Variants in RNF208 observed in about 807,000 individuals in gnomAD.
RNF208 encodes the protein ring finger protein 208.
A neutral mutation model predicts 15.2 loss-of-function variants in RNF208; 7 were observed. The observed-to-expected ratio is 0.46, with a 90% CI of 0.26 to 0.86. RNF208 has a LOEUF of 0.86. Ranked by LOEUF, RNF208 falls within the 40% of genes least tolerant of loss-of-function variation. The pLI is 0.16. For synonymous variants in RNF208, 211 were observed against 163.2 expected, an observed-to-expected ratio of 1.29 and a Z score of -2.23; for missense variants, 342 against 364.1, an observed-to-expected ratio of 0.94 and a Z score of 0.49.
At chr9:137,222,679 G>A (rs143427357), upstream of RNF208, among the ~76,000 whole-genome samples, 203 of 152,354 alleles carry the variant, frequency 1.3e-3, no homozygotes, top group African/African-American at 4.7e-3. Flanking sequence ...AGCTCAGATA[G>A]ATCGCTGTGA....
At position 137,220,401 on chromosome 9, in the gene RNF208, G is replaced by A. The variant is rs965460436; in HGVS notation, c.*26C>T. The stretch of plus-strand genomic sequence containing the variant: ...GAAGAAGCAGCGAGCGAGGCTCAGC[G>A]GGCAGTGGCGGGCAGGCAGGCGCTA... On this transcript the variant is annotated 3_prime_UTR_variant, in exon 2 of 2. Coordinates refer to ENST00000391553, the MANE Select transcript of RNF208 (RefSeq NM_031297.7). 25 of 1,526,256 alleles carry A rather than the reference G, an allele frequency of 1.6e-5. No homozygotes were observed. Among genetic ancestry groups the A allele is most frequent in the Middle Eastern group, 1.8e-4 (1 of 5,408 alleles). The allele number at this position is 1,526,256 out of a possible 1,614,324, so 94.5% of individuals were successfully genotyped here. A position where few individuals can be genotyped will look rare whatever the true frequency, so the allele number is the denominator to read the frequency against.
At position 137,220,884 on chromosome 9, in the gene RNF208, A is replaced by G. The variant is rs1225293579; in HGVS notation, c.329T>C (p.Val110Ala). The change falls in exon 2 of 2, where the codon GTG becomes GCG. Residue 110 changes from valine (V) to alanine (A), a missense_variant. Physicochemically the swap from Val to Ala is moderately conservative, Grantham distance 64. Around this residue, in one of 3 missense-constraint regions of RNF208, gnomAD observed 207 missense variants for 193.7 expected, o/e 1.07. Coordinates refer to ENST00000391553, the MANE Select transcript of RNF208 (RefSeq NM_031297.7). ...KGSSELGFPR[V>A]APEDEVIVNQ... ...CACAATGACCTCATCCTCTGGGGCC[A>G]CGCGGGGAAAGCCCAGCTCCGAGCT... is the stretch of plus-strand genomic sequence containing the variant. 1 of 1,581,200 alleles carries G rather than the reference A, an allele frequency of 6.3e-7. No homozygotes were observed. Among genetic ancestry groups the G allele is most frequent in the African/African-American group, 1.4e-5 (1 of 74,014 alleles).
chr9:137,223,298 C>T (rs2131389328), upstream of RNF208, among the ~76,000 whole-genome samples: 1 of 152,320 alleles, frequency 6.6e-6, no homozygotes, highest in African/African-American at 2.4e-5. Flanking sequence ...CTTACGGGGC[C>T]CTGGCAAGAT....
At chr9:137,222,804 G>A (rs747539059), upstream of RNF208, among the ~76,000 whole-genome samples, 63 of 152,388 alleles carry the variant, frequency 4.1e-4, no homozygotes, top group Non-Finnish European at 7.9e-4. Flanking sequence ...CGGGGTGGAG[G>A]CGGCCCTGAG....
At position 137,220,642 on chromosome 9, in the gene RNF208, G is replaced by A. The variant is rs1273522723; in HGVS notation, c.571C>T (p.Arg191Cys). The A allele has an allele frequency of 6.2e-6, 10 of 1,612,596 alleles. No homozygotes were observed. The highest frequency in any genetic ancestry group is 8.5e-6 in the Non-Finnish European group (10 of 1,179,910). ...TAGTCGGTGAAGAGCACAGTCTCACGGCGGCAGGTGGGGCAGGAGATGAAC... is the reference window on the plus strand; with the variant it reads ...TAGTCGGTGAAGAGCACAGTCTCACAGCGGCAGGTGGGGCAGGAGATGAAC... ...YKFISCPTCR[R>C]ETVLFTDYGL... The change falls in exon 2 of 2, where the codon CGT becomes TGT. Residue 191 changes from arginine to cysteine, a missense_variant. Coordinates refer to ENST00000391553, the MANE Select transcript of RNF208 (RefSeq NM_031297.7).
Position 137,221,392 on chromosome 9 carries a change from G to T in RNF208, c.-180C>A. The T allele has an allele frequency of 2.9e-6, 1 of 341,724 alleles. No homozygotes were observed. The highest frequency in any genetic ancestry group is 5.3e-6 in the Non-Finnish European group (1 of 188,052). 21.2% of individuals were successfully genotyped at this position (341,724 alleles called of 1,614,324 possible). A position where few individuals can be genotyped will look rare whatever the true frequency, so the allele number is the denominator to read the frequency against. ...TGCAGGGCCCCCCCCAGTGGCCACA[G>T]TGGCTTCTCTGGTCCAGTCCTGGGA... On this transcript the variant is annotated 5_prime_UTR_variant, in exon 2 of 2. It adds an upstream start codon to the 5' untranslated region. Transcript: ENST00000391553.
At position 137,221,554 on chromosome 9, in the gene RNF208, C is replaced by A. The variant is rs1386906071; in HGVS notation, c.-342G>T. 5.0e-6 allele frequency: 1 copy of A among 201,708 alleles called. No homozygotes were observed. The highest frequency in any genetic ancestry group is 1.0e-4 in the East Asian group (1 of 9,636). The allele number at this position is 201,708 out of a possible 1,614,324, so 12.5% of individuals were successfully genotyped here. ...GGCTGGCGAGGGGGCGCGGGGGGGG[C>A]TCCCCCTGCAGCCGAGGTCAGCAGG... On this transcript the variant is annotated 5_prime_UTR_variant, in exon 2 of 2. Transcript: ENST00000391553.
Position 137,221,038 on chromosome 9 carries a change from T to C in RNF208, c.175A>G (p.Thr59Ala), listed in dbSNP as rs199706212. Residue 59 changes from threonine to alanine, a missense_variant, in exon 2 of 2, where the codon ACT becomes GCT. Coordinates refer to ENST00000391553, the MANE Select transcript of RNF208 (RefSeq NM_031297.7). ...CFPPAPRPTP[T>A]LAPKRAWPSD... The stretch of plus-strand genomic sequence containing the variant: ...GGCCAGGCACGCTTGGGTGCCAGAG[T>C]TGGGGTGGGCCGGGGAGCAGGCGGG... The C allele has an allele frequency of 1.9e-4, 302 of 1,591,922 alleles. 2 individuals carry two copies. The African/African-American group carries it at 3.5e-3, about 19-fold the overall frequency.
rs556117554 is a variant in RNF208 at position 137,221,096 on chromosome 9, T to C, written c.117A>G (p.Glu39=). The change falls in exon 2 of 2, where the codon GAA becomes GAG. Residue 39 remains glutamate, a synonymous_variant. Transcript: ENST00000391553. ...GGGCAGCCGGTAGCTCAGGGAACTT[T>C]TCAGGGTGGACAATCTTCATGGCCT... ...KMEAMKIVHP[E]KFPELPAAPC... 1.9e-6 allele frequency: 3 copies of C among 1,605,772 alleles called. No homozygotes were observed. In the African/African-American group the frequency reaches 4.0e-5, roughly 21 times the overall value.
chr9:137,220,543 C>T lies in RNF208; in HGVS notation c.670G>A (p.Gly224Arg), dbSNP rs758757079. The T allele has an allele frequency of 1.0e-5, 16 of 1,607,582 alleles. 1 individual carries two copies. The highest frequency in any genetic ancestry group is 2.2e-5 in the South Asian group (2 of 90,188). ...LPPEALTAPS[G>R]GQWGAEPEGS... ...TCGGGCTCAGCCCCCCACTGACCCC[C>T]GGATGGGGCCGTCAGCGCCTCAGGC... Residue 224 changes from glycine (G) to arginine (R), a missense_variant, in exon 2 of 2, where the codon GGG becomes AGG. Gly to Arg is a moderately radical substitution (Grantham distance 125, BLOSUM62 -2). Around this residue, in one of 3 missense-constraint regions of RNF208, gnomAD observed 76 missense variants for 118.0 expected, o/e 0.64. Coordinates refer to ENST00000391553, the MANE Select transcript of RNF208 (RefSeq NM_031297.7).
At position 137,220,682 on chromosome 9, in the gene RNF208, G is replaced by A; in HGVS notation, c.531C>T (p.Ser177=). Residue 177 remains serine, a synonymous_variant, in exon 2 of 2, where the codon TCC becomes TCT. Transcript: ENST00000391553. ...CEQCLQILYE[S]CPKYKFISCP... ...AGGAGATGAACTTGTACTTGGGGCA[G>A]GACTCGTAGAGAATCTGCAGGCACT... The A allele has an allele frequency of 6.2e-7, 1 of 1,612,602 alleles. No individual in the cohort carries two copies. The highest frequency in any genetic ancestry group is 8.5e-7 in the Non-Finnish European group (1 of 1,179,928).
At chr9:137,222,864 C>T (rs1452332212), upstream of RNF208, among the ~76,000 whole-genome samples, 2 of 152,232 alleles carry the variant, frequency 1.3e-5, no homozygotes, top group African/African-American at 4.8e-5. Context: ...GCGCGCAGGC[C>T]CGGGCCTCTC....
intron 1 of RNF208, among the ~76,000 whole-genome samples, 118 bp from the exon 2 acceptor site, chr9:137,221,856 C>A (rs1192016538): frequency 6.6e-6 from 1 of 152,064 alleles, no homozygotes; most frequent in Non-Finnish European, 1.5e-5. Context: ...GGATCCCGAC[C>A]TCCGCGGGCC....
rs577259960 is a variant in RNF208 at position 137,221,046 on chromosome 9, G to T, written c.167C>A (p.Pro56His). The change falls in exon 2 of 2, where the codon CCC (proline) becomes CAC (histidine). Residue 56 changes from proline (P) to histidine (H), a missense_variant. By Grantham distance (77) the Pro-to-His change is moderately conservative (BLOSUM62 -2). Around this residue, in one of 3 missense-constraint regions of RNF208, gnomAD observed 207 missense variants for 193.7 expected, o/e 1.07. Transcript: ENST00000391553. ...ACGCTTGGGTGCCAGAGTTGGGGTG[G>T]GCCGGGGAGCAGGCGGGAAGCAGGG... ...AAPCFPPAPR[P>H]TPTLAPKRAW... is the part of the protein sequence containing the mutation. 183 of 1,596,540 alleles carry T rather than the reference G, an allele frequency of 1.1e-4. 1 individual carries two copies. In the Middle Eastern group the frequency reaches 1.3e-3, roughly 12 times the overall value.
Position 137,221,256 on chromosome 9 carries a change from G to GGT in RNF208, c.-45_-44insAC. ...ACTGGATGTTCGGGTGGGTGGGGGC[G>GGT]TTGTGTGGGGCTGGGGGGCAGGTGA... On this transcript the variant is annotated 5_prime_UTR_variant, in exon 2 of 2. It removes the in-frame stop codon of an upstream open reading frame in the 5' UTR. Transcript: ENST00000391553. 1 of 355,212 alleles carries GGT rather than the reference G, an allele frequency of 2.8e-6. No homozygotes were observed. Among genetic ancestry groups the GGT allele is most frequent in the Non-Finnish European group, 4.5e-6 (1 of 223,158 alleles). 22.0% of individuals were successfully genotyped at this position (355,212 alleles called of 1,614,324 possible).
chr9:137,220,967 C>T lies in RNF208; in HGVS notation c.246G>A (p.Met82Ile). ...IIVNQACGGD[M>I]PALEGAPHTP... ...TATGGGGTGCCCCTTCCAAGGCAGG[C>T]ATGTCCCCCCCACAGGCCTGGTTGA... Residue 82 changes from methionine to isoleucine, a missense_variant, in exon 2 of 2, where the codon ATG (methionine) becomes ATA (isoleucine). Physicochemically the swap from Met to Ile is conservative, Grantham distance 10. Around this residue, in one of 3 missense-constraint regions of RNF208, gnomAD observed 207 missense variants for 193.7 expected, o/e 1.07. Coordinates refer to ENST00000391553, the MANE Select transcript of RNF208 (RefSeq NM_031297.7). The T allele has an allele frequency of 2.6e-6, 4 of 1,547,284 alleles. No individual in the cohort carries two copies. The highest frequency in any genetic ancestry group is 3.5e-6 in the Non-Finnish European group (4 of 1,142,732).
At position 137,220,875 on chromosome 9, in the gene RNF208, T is replaced by C. The variant is rs1835853689; in HGVS notation, c.338A>G (p.Glu113Gly). The C allele has an allele frequency of 6.3e-7, 1 of 1,587,454 alleles. No homozygotes were observed. The highest frequency in any genetic ancestry group is 8.6e-7 in the Non-Finnish European group (1 of 1,164,732). The part of the protein sequence containing the change: ...SELGFPRVAP[E>G]DEVIVNQYVI... ...GTACTGATTCACAATGACCTCATCC[T>C]CTGGGGCCACGCGGGGAAAGCCCAG... is the stretch of plus-strand genomic sequence containing the variant. Residue 113 changes from glutamate to glycine, a missense_variant, in exon 2 of 2, where the codon GAG becomes GGG. This residue lies in a region of RNF208 where 207 missense variants were observed against 193.7 expected (regional missense o/e 1.07). Coordinates refer to ENST00000391553, the MANE Select transcript of RNF208 (RefSeq NM_031297.7).
At chr9:137,222,464 G>GC (rs954560859), upstream of RNF208, among the ~76,000 whole-genome samples, 5 of 151,880 alleles carry the variant, frequency 3.3e-5, no homozygotes, top group Admixed American at 1.3e-4. Context: ...TCAAGCCCCC[G>GC]CCCCCCCAGA....
chr9:137,221,264 GGGCT>G lies in RNF208; in HGVS notation c.-56_-53del. On this transcript the variant is annotated 5_prime_UTR_variant, in exon 2 of 2. An upstream open reading frame in the 5' UTR loses its in-frame stop. Transcript: ENST00000391553. ...TTCGGGTGGGTGGGGGCGTTGTGTG[GGGCT>G]GGGGGGCAGGTGACAGGGCAGCATC... is the stretch of plus-strand genomic sequence containing the variant. 16 of 1,238,770 alleles carry G rather than the reference GGGCT, an allele frequency of 1.3e-5. No homozygotes were observed. The highest frequency in any genetic ancestry group is 2.9e-5 in the East Asian group (1 of 34,918). The allele number at this position is 1,238,770 out of a possible 1,614,324, so 76.7% of individuals were successfully genotyped here.
Sources: allele counts gnomAD v4.1 joint callset (sites outside exome capture counted in the v4.1 genomes callset), GRCh38; gene constraint gnomAD v4.1.1; regional missense constraint gnomAD v4.1.1; transcripts MANE v1.5; gene names NCBI Gene and HGNC (gene_info 2026-07-23, HGNC 2026-07-21).